Variants in MACROD1 observed in about 807,000 individuals in gnomAD.
MACROD1 encodes mono-ADP ribosylhydrolase 1.
A neutral mutation model predicts 41.4 loss-of-function variants in MACROD1; 31 were observed. The observed-to-expected ratio is 0.75, with a 90% CI of 0.56 to 1.01. The LOEUF (loss-of-function observed/expected upper bound fraction) is 1.01. Among genes scored for constraint, MACROD1 ranks in the 50% least tolerant of loss-of-function variants. The pLI is 0.00. For missense variants in MACROD1, 473 were observed against 460.0 expected, an observed-to-expected ratio of 1.03 and a Z score of -0.26; for synonymous variants, 252 against 203.4, an observed-to-expected ratio of 1.24 and a Z score of -2.03.
At chr11:64,011,536 G>A (rs1338959352) in intron 4 of MACROD1, among the ~76,000 whole-genome samples, 1 of 151,946 alleles carries the variant, frequency 6.6e-6, no homozygotes, top group Non-Finnish European at 1.5e-5. Context: ...TTACTTCAAA[G>A]CAGGAAGCTC....
At chr11:64,084,225 A>C (rs553808408) in intron 3 of MACROD1, among the ~76,000 whole-genome samples, 1 of 152,002 alleles carries the variant, frequency 6.6e-6, no homozygotes, top group African/African-American at 2.4e-5. Flanking sequence ...CCTGGGGCAA[A>C]GCAGTGACAG....
chr11:64,088,100 C>CT (rs1377965757), intron 3 of MACROD1, among the ~76,000 whole-genome samples: 4 of 152,188 alleles, frequency 2.6e-5, no homozygotes, highest in Non-Finnish European at 5.9e-5. Flanking sequence ...GCCCCTCTAT[C>CT]TCCACCCCAG....
At chr11:64,129,355 G>A (rs929961924) in intron 3 of MACROD1, among the ~76,000 whole-genome samples, 1 of 152,230 alleles carries the variant, frequency 6.6e-6, no homozygotes, top group Non-Finnish European at 1.5e-5. Context: ...GACTGCTGTT[G>A]GGAGGGTGAG....
intron 3 of MACROD1, among the ~76,000 whole-genome samples, chr11:64,109,786 C>T (rs1944827678): frequency 6.6e-6 from 1 of 152,126 alleles, no homozygotes; most frequent in Admixed American, 6.5e-5. Flanking sequence ...GGGGGAGGGG[C>T]AGGGTTGCAC....
chr11:64,138,436 G>A (rs1945361557), intron 3 of MACROD1: 2 of 851,164 alleles, frequency 2.3e-6, no homozygotes, highest in South Asian at 1.1e-4. Flanking sequence ...TCAATTCTGG[G>A]CCATTTGCTT....
At chr11:64,092,233 GTCTT>G (rs1301280790) in intron 3 of MACROD1, among the ~76,000 whole-genome samples, 1 of 152,218 alleles carries the variant, frequency 6.6e-6, no homozygotes, top group Non-Finnish European at 1.5e-5. Flanking sequence ...CCCTGTTCTT[GTCTT>G]TCTGTCTGCC....
At chr11:64,086,728 C>G (rs746932303) in intron 3 of MACROD1, among the ~76,000 whole-genome samples, 1 of 152,148 alleles carries the variant, frequency 6.6e-6, no homozygotes, top group East Asian at 1.9e-4. Context: ...GGAAGGTTCT[C>G]GTGCTCACAG....
intron 3 of MACROD1, among the ~76,000 whole-genome samples, chr11:64,095,844 G>A (rs968762278): frequency 6.6e-6 from 1 of 152,208 alleles, no homozygotes; most frequent in Non-Finnish European, 1.5e-5. Flanking sequence ...GACCTGAATG[G>A]AGGAGCGCGA....
intron 3 of MACROD1, among the ~76,000 whole-genome samples, chr11:64,123,542 G>A (rs956488272): frequency 7.2e-6 from 1 of 138,768 alleles, no homozygotes; most frequent in Non-Finnish European, 1.6e-5. Context: ...GTGGGGTGGG[G>A]GGGTTGGGGG....
chr11:64,080,725 C>A (rs1944288281), intron 3 of MACROD1, among the ~76,000 whole-genome samples: 1 of 152,204 alleles, frequency 6.6e-6, no homozygotes, highest in African/African-American at 2.4e-5. Flanking sequence ...GGAGGACGTG[C>A]AGAGGGGACA....
intron 1 of MACROD1, among the ~76,000 whole-genome samples, chr11:64,163,891 A>G (rs563364612): frequency 3.7e-4 from 56 of 152,318 alleles, no homozygotes; most frequent in African/African-American, 1.3e-3. Context: ...TAGCAGGCAG[A>G]GCCCCAGACC....
At chr11:64,011,773 G>A (rs1306137534) in intron 4 of MACROD1, among the ~76,000 whole-genome samples, 1 of 151,850 alleles carries the variant, frequency 6.6e-6, no homozygotes, top group Non-Finnish European at 1.5e-5. Flanking sequence ...AGGGGCGCGG[G>A]TAGAGGCCTG....
At chr11:64,042,945 G>A (rs1023596565) in intron 3 of MACROD1, among the ~76,000 whole-genome samples, 6 of 152,226 alleles carry the variant, frequency 3.9e-5, no homozygotes, top group Admixed American at 3.3e-4. Flanking sequence ...CTGAGGCACA[G>A]AGTGGAGACA....
intron 3 of MACROD1, among the ~76,000 whole-genome samples, chr11:64,129,638 C>CAA (rs1044921874): frequency 3.9e-5 from 6 of 152,174 alleles, no homozygotes; most frequent in African/African-American, 1.2e-4. Context: ...ACCCAGGCAG[C>CAA]AAAGTGCCCC....
intron 3 of MACROD1, among the ~76,000 whole-genome samples, chr11:64,148,118 C>T (rs993745228): frequency 1.3e-5 from 2 of 151,892 alleles, no homozygotes; most frequent in African/African-American, 4.8e-5. Flanking sequence ...GGGGGGCGGG[C>T]AGGGGGACAC....
At chr11:64,132,627 C>A (rs1013318553) in intron 3 of MACROD1, among the ~76,000 whole-genome samples, 1 of 152,182 alleles carries the variant, frequency 6.6e-6, no homozygotes, top group African/African-American at 2.4e-5. Context: ...ATTGAGCCCG[C>A]GGTCCTCAGG....
chr11:64,012,277 GGCCATCTGTGA>G (rs1179362275), intron 4 of MACROD1, among the ~76,000 whole-genome samples: 1 of 152,380 alleles, frequency 6.6e-6, no homozygotes, highest in Non-Finnish European at 1.5e-5. Context: ...TGAGGTCACA[GGCCATCTGTGA>G]GCCACTCCTG....
At chr11:64,001,883 C>A in intron 4 of MACROD1, 2 of 656,112 alleles carry the variant, frequency 3.0e-6, no homozygotes, top group Non-Finnish European at 5.6e-6. Flanking sequence ...CTGGCTCTGC[C>A]AGCCACAGAT....
At chr11:64,024,744 T>G (rs941233213) in intron 3 of MACROD1, among the ~76,000 whole-genome samples, 10 of 151,172 alleles carry the variant, frequency 6.6e-5, no homozygotes, top group Non-Finnish European at 1.2e-4. Flanking sequence ...GAGGGAGGAG[T>G]TGGGGGGCCT....
Sources: allele counts gnomAD v4.1 joint callset (sites outside exome capture counted in the v4.1 genomes callset), GRCh38; gene constraint gnomAD v4.1.1; transcripts MANE v1.5; gene names NCBI Gene and HGNC (gene_info 2026-07-23, HGNC 2026-07-21).